Variants in NAA35 observed in about 807,000 individuals in gnomAD.
The protein encoded by NAA35 is N-alpha-acetyltransferase 35, NatC auxiliary subunit.
Under a neutral mutation model 101.7 loss-of-function variants are expected in NAA35, and 18 were observed. The ratio of observed to expected loss-of-function variants is 0.18; its 90% CI spans 0.12 to 0.26. NAA35 has a LOEUF of 0.26. NAA35 is among the 10% of genes least tolerant of loss of function. The pLI, the probability that NAA35 is intolerant of heterozygous loss-of-function variation, is 1.00. For missense variants in NAA35, 601 were observed against 886.8 expected (o/e 0.68, Z 4.09); for synonymous variants, 267 against 273.1 (o/e 0.98, Z 0.22).
chr9:85,996,697 A>T (rs1831174792), intron 12 of NAA35, 120 bp downstream of exon 12: 1 of 682,494 alleles, frequency 1.5e-6, no homozygotes. Flanking sequence ...TGCTTTATAG[A>T]CATTGACCAA....
chr9:85,943,061 G>A (rs927711836), intron 2 of NAA35, among the ~76,000 whole-genome samples: 3 of 152,088 alleles, frequency 2.0e-5, no homozygotes, highest in Non-Finnish European at 2.9e-5. Context: ...TATAAGCTCC[G>A]TGGGGGCAGA....
chr9:85,982,966 G>A (rs1830493863), intron 11 of NAA35, among the ~76,000 whole-genome samples: 1 of 152,138 alleles, frequency 6.6e-6, no homozygotes, highest in South Asian at 2.1e-4. Context: ...ATCTCCTCAA[G>A]GCTGCATTAT....
chr9:85,948,406 A>G (rs1828857697), intron 2 of NAA35, among the ~76,000 whole-genome samples: 1 of 152,186 alleles, frequency 6.6e-6, no homozygotes. Flanking sequence ...TGTTGGTTTC[A>G]TCTCCTTATA....
At chr9:85,960,787 AAC>A (rs1433467929) in intron 5 of NAA35, among the ~76,000 whole-genome samples, 1 of 152,194 alleles carries the variant, frequency 6.6e-6, no homozygotes, top group Non-Finnish European at 1.5e-5. Flanking sequence ...GTGCCGTGGG[AAC>A]AGAGAGGAGG....
chr9:85,967,156 A>G (rs1434090450), intron 6 of NAA35, among the ~76,000 whole-genome samples: 1 of 152,156 alleles, frequency 6.6e-6, no homozygotes, highest in Non-Finnish European at 1.5e-5. Flanking sequence ...ATAACAAAAA[A>G]GGAAGTAATT....
intron 21 of NAA35, among the ~76,000 whole-genome samples, chr9:86,019,232 G>T (rs533202949): frequency 8.5e-4 from 130 of 152,274 alleles, no homozygotes; most frequent in African/African-American, 3.1e-3. Context: ...GCCGAGGTGG[G>T]TGGATCACCT....
At chr9:85,956,419 T>C (rs748239230) in intron 3 of NAA35, 26 bp downstream of exon 3, 3 of 1,317,092 alleles carry the variant, frequency 2.3e-6, no homozygotes, top group South Asian at 1.5e-5. Flanking sequence ...TTGAAAATAG[T>C]GTAGTGTAAT....
At chr9:85,960,858 G>A (rs566433037) in intron 5 of NAA35, among the ~76,000 whole-genome samples, 4 of 152,330 alleles carry the variant, frequency 2.6e-5, no homozygotes, top group South Asian at 2.1e-4. Context: ...ACTGGTGTGA[G>A]GTACTAAAGA....
intron 17 of NAA35, among the ~76,000 whole-genome samples, chr9:86,015,262 A>G (rs1475542138): frequency 6.6e-6 from 1 of 152,208 alleles, no homozygotes; most frequent in East Asian, 1.9e-4. Context: ...ATACATAAGT[A>G]GATTTGTTTC....
chr9:86,015,884 G>A, intron 17 of NAA35: 1 of 524,500 alleles, frequency 1.9e-6, no homozygotes, highest in South Asian at 8.3e-5. Context: ...TTTGTAGGGT[G>A]GCAGGGAACA....
In NAA35 at chr9:85,948,840, C is replaced by T. The variant is rs537446461; in HGVS notation, c.124+6557C>T. 9.2e-5 allele frequency among the ~76,000 whole-genome samples: 14 copies of T among 152,226 alleles called. No individual in the cohort carries two copies. In the South Asian group the frequency reaches 2.9e-3, roughly 32 times the overall value. ...TGGCATGATCTCGGTTCACTGCAAC[C>T]TCCATCTCCCGGGTTCAGGCGATTC... On this transcript the variant is annotated intron_variant, in intron 2 of 22. Transcript: ENST00000361671.
Position 85,941,450 on chromosome 9 carries a change from C to A in NAA35, c.-6+177C>A, listed in dbSNP as rs117408317. The A allele has an allele frequency of 1.1e-3, 1,083 of 985,474 alleles. 30 individuals are homozygous for A. In the East Asian group the frequency reaches 0.053, roughly 48 times the overall value. The allele number at this position is 985,474 out of a possible 1,614,324, so 61.0% of individuals were successfully genotyped here. ...CAGTGCCCGCTGTCGGCCGAGGCCC[C>A]ACTCTTGCCCGGTGTTGCCGAGGCG... On this transcript the variant is annotated intron_variant, in intron 1 of 22. Transcript: ENST00000361671.
At chr9:85,941,697 G>C (rs897632326) in intron 1 of NAA35, 16 of 986,324 alleles carry the variant, frequency 1.6e-5, no homozygotes, top group Non-Finnish European at 1.9e-5. Context: ...GGTCCGGGCC[G>C]GCTCTGGCCC....
At chr9:85,957,937 A>G (rs1353770478) in intron 3 of NAA35, among the ~76,000 whole-genome samples, 1 of 150,856 alleles carries the variant, frequency 6.6e-6, no homozygotes, top group Non-Finnish European at 1.5e-5. Context: ...GACATCTTAT[A>G]TATTTTCTTT....
In NAA35 at chr9:85,942,238, A is replaced by G; in HGVS notation, c.79A>G (p.Thr27Ala). ...GCCAGAAAAAATGGAGAAAAGCAAT[A>G]CAAACTGGGTGGACATTACCCAAGA... ...SMPEKMEKSN[T>A]NWVDITQDFE... The change falls in exon 2 of 23, where the codon ACA (threonine) becomes GCA (alanine). Residue 27 changes from threonine to alanine, a missense_variant. By Grantham distance (58) the Thr-to-Ala change is moderately conservative. Transcript: ENST00000361671. The G allele has an allele frequency of 6.2e-7, 1 of 1,614,186 alleles. No homozygotes were observed. Among genetic ancestry groups the G allele is most frequent in the Non-Finnish European group, 8.5e-7 (1 of 1,180,024 alleles).
rs182310074 is a variant in NAA35 at position 86,004,293 on chromosome 9, C to T, written c.1116+649C>T. Among the ~76,000 whole-genome samples, 252 of 151,988 alleles carry T rather than the reference C, an allele frequency of 1.7e-3. 1 individual carries two copies. The highest frequency in any genetic ancestry group is 3.8e-3 in the African/African-American group (159 of 41,436). Reference sequence around the variant, plus strand: ...CTAATTTTTGTATTTTTGGTAGAGACGGGGTTTCACCATGTTGGCCAGGCT... The same window carrying T: ...CTAATTTTTGTATTTTTGGTAGAGATGGGGTTTCACCATGTTGGCCAGGCT... On this transcript the variant is annotated intron_variant, in intron 13 of 22. Coordinates refer to ENST00000361671, the MANE Select transcript of NAA35 (RefSeq NM_024635.4).
chr9:86,016,742 G>C, intron 18 of NAA35, 67 bp downstream of exon 18: 3 of 1,513,546 alleles, frequency 2.0e-6, no homozygotes, highest in Non-Finnish European at 2.7e-6. Context: ...AATAGATGGA[G>C]AGCTACTCGT....
At position 85,967,898 on chromosome 9, in the gene NAA35, T is replaced by A. The variant is rs969872167; in HGVS notation, c.516+5718T>A. On this transcript the variant is annotated intron_variant, in intron 6 of 22. Transcript: ENST00000361671. ...GTATTTTGTTCTCAGGCGTGTCTCC[T>A]GATCTGGAGACGTTTTCTGATTTCT... Among the ~76,000 whole-genome samples the A allele has an allele frequency of 2.0e-5, 3 of 152,178 alleles. No homozygotes were observed. In the East Asian group the frequency reaches 5.8e-4, roughly 29 times the overall value.
chr9:85,941,283 GC>G lies in NAA35; in HGVS notation c.-6+14del. The G allele has an allele frequency of 1.0e-6, 1 of 985,610 alleles. No individual in the cohort carries two copies. Among genetic ancestry groups the G allele is most frequent in the Non-Finnish European group, 1.2e-6 (1 of 830,074 alleles). 61.1% of individuals were successfully genotyped at this position (985,610 alleles called of 1,614,324 possible). On this transcript the variant is annotated intron_variant, in intron 1 of 22. Transcript: ENST00000361671. The stretch of plus-strand genomic sequence containing the variant: ...ACCACGGGAGAAGTAGGTAGGGACC[GC>G]CCCTGCGTAGCCATTGAAACCCTCT...
Sources: gnomAD v4.1 joint callset for allele counts (sites outside exome capture counted in the v4.1 genomes callset) on GRCh38, gnomAD v4.1.1 for gene constraint, MANE v1.5 for transcripts, NCBI Gene and HGNC (gene_info 2026-07-23, HGNC 2026-07-21) for gene names.